CDC42SE1: variants seen among roughly 807,000 people sequenced by gnomAD.
CDC42SE1 encodes CDC42 small effector 1.
A neutral mutation model predicts 10.9 loss-of-function variants in CDC42SE1; 10 were observed. That is an observed-to-expected ratio of 0.92 (90% CI 0.57 to 1.56). The LOEUF is 1.56. Ranked by LOEUF, CDC42SE1 falls within the 40% of genes most tolerant of loss-of-function variation. The pLI, the probability that CDC42SE1 is intolerant of heterozygous loss-of-function variation, is 0.00. For missense variants in CDC42SE1, 81 were observed against 100.8 expected, an observed-to-expected ratio of 0.80 and a Z score of 0.84; for synonymous variants, 24 against 32.0, an observed-to-expected ratio of 0.75 and a Z score of 0.85.
Position 151,057,953 on chromosome 1 carries a change from T to C in CDC42SE1, c.-264+1526A>G, listed in dbSNP as rs1676317607. ...GTCAGTGAGTCAGTCATAGGGTTTG[T>C]CCTGATGGTGGTGGTGGCAGGTGGT... On this transcript the variant is annotated intron_variant, in intron 1 of 4. Coordinates refer to ENST00000357235, the MANE Select transcript of CDC42SE1 (RefSeq NM_020239.4). The surrounding 1 kb of genome is among the most constrained non-coding windows in gnomAD (Gnocchi z 4.0). The C allele has an allele frequency of 6.6e-6, 1 of 152,378 alleles. No individual in the cohort carries two copies. The highest frequency in any genetic ancestry group is 1.5e-5 in the Non-Finnish European group (1 of 68,166). 9.4% of individuals were successfully genotyped at this position (152,378 alleles called of 1,614,324 possible).
chr1:151,055,021 C>G lies in CDC42SE1; in HGVS notation c.160G>C (p.Ala54Pro), dbSNP rs755055021. The change falls in exon 3 of 5, where the codon GCC becomes CCC. Residue 54 changes from alanine (A) to proline (P), a missense_variant. By Grantham distance (27) the Ala-to-Pro change is conservative. Transcript: ENST00000357235. ...SGEMGAGDGL[A>P]MTGAVQEQMR... ...TCTCCCCATTTCCTTGTTACCATGG[C>G]AAGTCCATCTCCGGCCCCCATCTCC... 3.7e-6 allele frequency: 6 copies of G among 1,611,912 alleles called. No homozygotes were observed. Among genetic ancestry groups the G allele is most frequent in the Non-Finnish European group, 5.1e-6 (6 of 1,178,130 alleles).
In CDC42SE1 at chr1:151,053,640, C is replaced by G. The variant is rs867114302; in HGVS notation, c.*17-313G>C. On this transcript the variant is annotated intron_variant, in intron 4 of 4. Transcript: ENST00000357235. ...GGGATTACAGGCGTGTGCCATCATG[C>G]CTGGCTAATTTTTGTACTTTTAGTA... Among the ~76,000 whole-genome samples, 7 of 152,260 alleles carry G rather than the reference C, an allele frequency of 4.6e-5. No homozygotes were observed. The Middle Eastern group carries it at 0.01, about 222-fold the overall frequency.
chr1:151,055,024 G>T lies in CDC42SE1; in HGVS notation c.157C>A (p.Leu53Ile). The change falls in exon 3 of 5, where the codon CTT becomes ATT. Residue 53 changes from leucine (L) to isoleucine (I), a missense_variant. Leu to Ile is a conservative substitution (Grantham distance 5, BLOSUM62 2). Transcript: ENST00000357235. The stretch of plus-strand genomic sequence containing the variant: ...CCCCATTTCCTTGTTACCATGGCAA[G>T]TCCATCTCCGGCCCCCATCTCCCCT... ...GSGEMGAGDG[L>I]AMTGAVQEQM... 6.2e-7 allele frequency: 1 copy of T among 1,612,252 alleles called. No homozygotes were observed. The highest frequency in any genetic ancestry group is 8.5e-7 in the Non-Finnish European group (1 of 1,178,510).
At position 151,051,466 on chromosome 1, in the gene CDC42SE1, G is replaced by C. The variant is rs1676181294; in HGVS notation, c.*1878C>G. ...TAGGGATAAGCAAACTGAATGGGTGGTGGAATTGGCAGAATGGATACCAGT... is the reference window on the plus strand; with the variant it reads ...TAGGGATAAGCAAACTGAATGGGTGCTGGAATTGGCAGAATGGATACCAGT... On this transcript the variant is annotated 3_prime_UTR_variant, in exon 5 of 5. Coordinates refer to ENST00000357235, the MANE Select transcript of CDC42SE1 (RefSeq NM_020239.4). 1 of 150,582 alleles carries C rather than the reference G, an allele frequency of 6.6e-6. No individual in the cohort carries two copies. The highest frequency in any genetic ancestry group is 2.5e-5 in the African/African-American group (1 of 40,598). 9.3% of individuals were successfully genotyped at this position (150,582 alleles called of 1,614,324 possible).
At chr1:151,054,404 G>C in intron 3 of CDC42SE1, 83 bp from the exon 4 acceptor site, 1 of 1,084,610 alleles carries the variant, frequency 9.2e-7, no homozygotes. Flanking sequence ...CCAGGGAAGA[G>C]GCTGACGCCA....
chr1:151,052,107 TGAC>T lies in CDC42SE1; in HGVS notation c.*1234_*1236del, dbSNP rs1313467798. The T allele has an allele frequency of 6.6e-6, 1 of 152,178 alleles. No individual in the cohort carries two copies. Among genetic ancestry groups the T allele is most frequent in the African/African-American group, 2.4e-5 (1 of 41,448 alleles). 9.4% of individuals were successfully genotyped at this position (152,178 alleles called of 1,614,324 possible). A position where few individuals can be genotyped will look rare whatever the true frequency, so the allele number is the denominator to read the frequency against. Reference sequence around the variant, plus strand: ...GAAATCACTTCAGAGAAAAATATCTTGACTTTAGAGTTGTGGTTCTCAAATGGA... The same window carrying T: ...GAAATCACTTCAGAGAAAAATATCTTTTTAGAGTTGTGGTTCTCAAATGGA... On this transcript the variant is annotated 3_prime_UTR_variant, in exon 5 of 5. Coordinates refer to ENST00000357235, the MANE Select transcript of CDC42SE1 (RefSeq NM_020239.4).
Position 151,052,321 on chromosome 1 carries a change from G to C in CDC42SE1, c.*1023C>G, listed in dbSNP as rs1451944963. 2 of 151,742 alleles carry C rather than the reference G, an allele frequency of 1.3e-5. No individual in the cohort carries two copies. The highest frequency in any genetic ancestry group is 3.8e-4 in the East Asian group (2 of 5,204). The allele number at this position is 151,742 out of a possible 1,614,324, so 9.4% of individuals were successfully genotyped here. A position where few individuals can be genotyped will look rare whatever the true frequency, so the allele number is the denominator to read the frequency against. The stretch of plus-strand genomic sequence containing the variant: ...CTCGGTTGTGAAACCTTGTTCTAGA[G>C]CCTCTCCCTGCTCCCGTGCTGTGAG... On this transcript the variant is annotated 3_prime_UTR_variant, in exon 5 of 5. Coordinates refer to ENST00000357235, the MANE Select transcript of CDC42SE1 (RefSeq NM_020239.4).
rs762581930 is a variant in CDC42SE1 at position 151,054,251 on chromosome 1, A to T, written c.236T>A (p.Leu79Ter). The T allele has an allele frequency of 1.9e-6, 3 of 1,609,832 alleles. No homozygotes were observed. In the South Asian group the frequency reaches 3.3e-5, roughly 18 times the overall value. Reference sequence around the variant, plus strand: ...CTCACCATTCCATTATTGGAGCTATAAGCCCCTAGAATTGCTCCATGGCCT... The same window carrying T: ...CTCACCATTCCATTATTGGAGCTATTAGCCCCTAGAATTGCTCCATGGCCT... The part of the protein sequence containing the change: ...RDRPWSNSRG[L>*] Residue 79 changes from leucine (L) to a stop codon, truncating the protein, a stop_gained, in exon 4 of 5, where the codon TTA becomes TAA. Transcript: ENST00000357235. LOFTEE classifies it high-confidence loss of function.
chr1:151,058,067 C>G (rs1017851790), intron 1 of CDC42SE1: 1 of 152,394 alleles, frequency 6.6e-6, no homozygotes, highest in African/African-American at 2.4e-5. Flanking sequence ...CAACATCCCC[C>G]ACTCTGCTCA....
In CDC42SE1 at chr1:151,057,536, C is replaced by T. The variant is rs768826853; in HGVS notation, c.-263-1543G>A. ...CTCAAAAAAAACACACACAAAAAAA[C>T]GAGATAGCAGGGTGTGGTAGCATGT... On this transcript the variant is annotated intron_variant, in intron 1 of 4. Transcript: ENST00000357235. This position sits in a 1 kb window ranked among gnomAD's most constrained non-coding sequence, Gnocchi z 4.0. Among the ~76,000 whole-genome samples, 8 of 151,496 alleles carry T rather than the reference C, an allele frequency of 5.3e-5. No individual in the cohort carries two copies. Among genetic ancestry groups the T allele is most frequent in the Non-Finnish European group, 8.8e-5 (6 of 67,870 alleles).
At position 151,055,102 on chromosome 1, in the gene CDC42SE1, G is replaced by C; in HGVS notation, c.79C>G (p.Arg27Gly). The C allele has an allele frequency of 6.2e-7, 1 of 1,613,276 alleles. No homozygotes were observed. The highest frequency in any genetic ancestry group is 8.5e-7 in the Non-Finnish European group (1 of 1,179,820). The change falls in exon 3 of 5, where the codon CGG (arginine) becomes GGG (glycine). Residue 27 changes from arginine to glycine, a missense_variant. Coordinates refer to ENST00000357235, the MANE Select transcript of CDC42SE1 (RefSeq NM_020239.4). ...TTCATTGGTTCCCCAATCATGGTCC[G>C]GTCAATCCGTCTTCTCTTCTTCTTC... ...QPKKKRRRID[R>G]TMIGEPMNFV...
chr1:151,053,124 G>A lies in CDC42SE1; in HGVS notation c.*220C>T, dbSNP rs779526309. The A allele has an allele frequency of 6.5e-6, 1 of 152,688 alleles. No homozygotes were observed. Among genetic ancestry groups the A allele is most frequent in the Non-Finnish European group, 1.5e-5 (1 of 68,120 alleles). 9.5% of individuals were successfully genotyped at this position (152,688 alleles called of 1,614,324 possible). A position where few individuals can be genotyped will look rare whatever the true frequency, so the allele number is the denominator to read the frequency against. On this transcript the variant is annotated 3_prime_UTR_variant, in exon 5 of 5. Transcript: ENST00000357235. ...TCCTCTGGCTAACCAGTAGTCACTT[G>A]ATCAGTCCTGCTGCCTTGACCCCAT...
chr1:151,054,764 C>T (rs1453227157), intron 3 of CDC42SE1, among the ~76,000 whole-genome samples: 3 of 152,058 alleles, frequency 2.0e-5, no homozygotes, highest in African/African-American at 7.3e-5. Flanking sequence ...GGAAAAAGCC[C>T]TCCAACTATT....
In CDC42SE1 at chr1:151,051,031, A is replaced by G. The variant is rs1362605637; in HGVS notation, c.*2313T>C. 6.6e-6 allele frequency: 1 copy of G among 152,252 alleles called. No homozygotes were observed. Among genetic ancestry groups the G allele is most frequent in the Non-Finnish European group, 1.5e-5 (1 of 68,094 alleles). The allele number at this position is 152,252 out of a possible 1,614,324, so 9.4% of individuals were successfully genotyped here. On this transcript the variant is annotated 3_prime_UTR_variant, in exon 5 of 5. Transcript: ENST00000357235. ...AAAAAATGTATTTAAAAGTCCAACA[A>G]CTTTTTAATATAAATTACGACTCTC...
At chr1:151,054,628 A>G (rs1429382661) in intron 3 of CDC42SE1, among the ~76,000 whole-genome samples, 1 of 152,206 alleles carries the variant, frequency 6.6e-6, no homozygotes, top group African/African-American at 2.4e-5. Flanking sequence ...ACAGAAGTGC[A>G]TCTTAGACAT....
rs1453501532 is a variant in CDC42SE1, at chr1:151,053,154, A to G, written c.*190T>C. On this transcript the variant is annotated 3_prime_UTR_variant, in exon 5 of 5. Coordinates refer to ENST00000357235, the MANE Select transcript of CDC42SE1 (RefSeq NM_020239.4). ...GTCCTGCTGCCTTGACCCCATCTCC[A>G]GGAGGGGCTATGGCCAGAGGGAGTA... is the stretch of plus-strand genomic sequence containing the variant. The G allele has an allele frequency of 6.5e-6, 1 of 152,704 alleles. No individual in the cohort carries two copies. The highest frequency in any genetic ancestry group is 2.4e-5 in the African/African-American group (1 of 41,418). 9.5% of individuals were successfully genotyped at this position (152,704 alleles called of 1,614,324 possible).
rs1676172800 is a variant in CDC42SE1 at position 151,051,302 on chromosome 1, A to G, written c.*2042T>C. On this transcript the variant is annotated 3_prime_UTR_variant, in exon 5 of 5. Coordinates refer to ENST00000357235, the MANE Select transcript of CDC42SE1 (RefSeq NM_020239.4). ...TAGAGCAACAAGCTGGGTTACTTTC[A>G]GAGCAACCAGCTTGACTGGAACTGA... 6.8e-6 allele frequency: 1 copy of G among 148,082 alleles called. No individual in the cohort carries two copies. Among genetic ancestry groups the G allele is most frequent in the Admixed American group, 6.8e-5 (1 of 14,612 alleles). The allele number at this position is 148,082 out of a possible 1,614,324, so 9.2% of individuals were successfully genotyped here.
In CDC42SE1 at chr1:151,052,233, T is replaced by C. The variant is rs1676196637; in HGVS notation, c.*1111A>G. On this transcript the variant is annotated 3_prime_UTR_variant, in exon 5 of 5. Coordinates refer to ENST00000357235, the MANE Select transcript of CDC42SE1 (RefSeq NM_020239.4). ...AGGGTTGCTGCTAAATATCCTGTAA[T>C]GCACAAAATAGGAAACAGGTTTTCC... The C allele has an allele frequency of 6.6e-6, 1 of 152,218 alleles. No individual in the cohort carries two copies. Among genetic ancestry groups the C allele is most frequent in the African/African-American group, 2.4e-5 (1 of 41,448 alleles). The allele number at this position is 152,218 out of a possible 1,614,324, so 9.4% of individuals were successfully genotyped here. A position where few individuals can be genotyped will look rare whatever the true frequency, so the allele number is the denominator to read the frequency against.
chr1:151,055,965 A>T lies in CDC42SE1; in HGVS notation c.-235T>A. 3.5e-6 allele frequency: 2 copies of T among 572,850 alleles called. No homozygotes were observed. The highest frequency in any genetic ancestry group is 6.3e-6 in the Non-Finnish European group (2 of 319,372). 35.5% of individuals were successfully genotyped at this position (572,850 alleles called of 1,614,324 possible). On this transcript the variant is annotated 5_prime_UTR_variant, in exon 2 of 5. Transcript: ENST00000357235. ...GAGAGAGAGGTGGGCAGGCAGGCAC[A>T]AGGTTATGTCTTCCTCAGACTCGGA... is the stretch of plus-strand genomic sequence containing the variant.
Sources: gnomAD v4.1 joint callset for allele counts (sites outside exome capture counted in the v4.1 genomes callset) on GRCh38, gnomAD v4.1.1 for gene constraint, Gnocchi (gnomAD v3.1) non-coding constraint, MANE v1.5 for transcripts, NCBI Gene and HGNC (gene_info 2026-07-23, HGNC 2026-07-21) for gene names.